LOXL2: variants seen among roughly 807,000 people sequenced by gnomAD.
LOXL2 encodes the protein lysyl oxidase like 2.
Under a neutral mutation model 93.0 loss-of-function variants are expected in LOXL2, and 70 were observed. The ratio of observed to expected loss-of-function variants is 0.75; its 90% CI spans 0.62 to 0.92. The LOEUF (loss-of-function observed/expected upper bound fraction) is 0.92. LOXL2 is among the 40% of genes least tolerant of loss of function. LOXL2 has a pLI of 0.00. For missense variants in LOXL2, 973 were observed against 1,054.9 expected, an observed-to-expected ratio of 0.92 and a Z score of 1.08; for synonymous variants, 438 against 413.2, an observed-to-expected ratio of 1.06 and a Z score of -0.73.
rs564918606 is a variant in LOXL2 at position 23,318,809 on chromosome 8, G to A, written c.1470+1076C>T. On this transcript the variant is annotated intron_variant, in intron 8 of 13. Coordinates refer to ENST00000389131, the MANE Select transcript of LOXL2 (RefSeq NM_002318.3). ...TGGGGAGGCCAAGCTCCCAGAGGGC[G>A]TAAGCAGCTATTTTAAAGGCCTGTC... Among the ~76,000 whole-genome samples the A allele has an allele frequency of 3.2e-4, 49 of 152,358 alleles. No homozygotes were observed. In the Middle Eastern group the frequency reaches 0.014, roughly 42 times the overall value.
intron 9 of LOXL2, among the ~76,000 whole-genome samples, chr8:23,312,974 A>G (rs1281793071): frequency 2.7e-5 from 4 of 146,962 alleles, no homozygotes; most frequent in African/African-American, 7.8e-5. Context: ...AAATCAATGT[A>G]CAAAAATCAC....
rs754918494 is a variant in LOXL2 at position 23,322,259 on chromosome 8, G to A, written c.1173C>T (p.Asn391=). The change falls in exon 7 of 14, where the codon AAC becomes AAT. Residue 391 remains asparagine, a synonymous_variant. Transcript: ENST00000389131. ...LGQGIGPIHL[N]EIQCTGNEKS... ...TCTCATTGCCTGTGCACTGGATCTCGTTGAGGTGGATGGGTCCGATCCCTG... is the reference window on the plus strand; with the variant it reads ...TCTCATTGCCTGTGCACTGGATCTCATTGAGGTGGATGGGTCCGATCCCTG... 1.7e-5 allele frequency: 27 copies of A among 1,614,060 alleles called. No individual in the cohort carries two copies. The highest frequency in any genetic ancestry group is 1.6e-4 in the Middle Eastern group (1 of 6,084).
chr8:23,307,582 AG>A (rs1211998111), intron 10 of LOXL2, among the ~76,000 whole-genome samples: 1 of 152,188 alleles, frequency 6.6e-6, no homozygotes, highest in East Asian at 1.9e-4. Flanking sequence ...TGTATGGCAC[AG>A]GGAGGTTCCT....
At position 23,322,291 on chromosome 8, in the gene LOXL2, G is replaced by A. The variant is rs764499044; in HGVS notation, c.1151-10C>T. 9 of 1,611,734 alleles carry A rather than the reference G, an allele frequency of 5.6e-6. No homozygotes were observed. Among genetic ancestry groups the A allele is most frequent in the Admixed American group, 3.3e-5 (2 of 59,866 alleles). On this transcript the variant is annotated splice_polypyrimidine_tract_variant and intron_variant, in intron 6 of 13. Coordinates refer to ENST00000389131, the MANE Select transcript of LOXL2 (RefSeq NM_002318.3). ...TGGATGGGTCCGATCCCTGCAAGGG[G>A]AGAATAAACATGCTCTATGAAAGCT... is the stretch of plus-strand genomic sequence containing the variant.
intron 1 of LOXL2, among the ~76,000 whole-genome samples, chr8:23,379,173 A>T (rs1309277775): frequency 6.6e-6 from 1 of 152,226 alleles, no homozygotes; most frequent in Admixed American, 6.5e-5. Flanking sequence ...CCTCAGCTGC[A>T]GGTCTGTTGG....
chr8:23,344,288 G>GCA (rs372111346), intron 3 of LOXL2, among the ~76,000 whole-genome samples: 53 of 152,344 alleles, frequency 3.5e-4, no homozygotes, highest in African/African-American at 1.3e-3. Flanking sequence ...GAAAGGGCTA[G>GCA]CACCGGGGGT....
At chr8:23,321,574 T>C (rs897351926) in intron 7 of LOXL2, among the ~76,000 whole-genome samples, 4 of 152,132 alleles carry the variant, frequency 2.6e-5, no homozygotes, top group African/African-American at 9.7e-5. Context: ...GGAGCCTCTG[T>C]CCTCACCCTC....
At chr8:23,389,562 A>G (rs1804810973) in intron 1 of LOXL2, among the ~76,000 whole-genome samples, 1 of 152,210 alleles carries the variant, frequency 6.6e-6, no homozygotes, top group Admixed American at 6.5e-5. Context: ...ATTCCTAGTC[A>G]ATAGCAACAA....
At chr8:23,379,591 G>A (rs1042492721) in intron 1 of LOXL2, among the ~76,000 whole-genome samples, 6 of 152,082 alleles carry the variant, frequency 3.9e-5, no homozygotes, top group East Asian at 1.9e-4. Context: ...CACCCAGTTC[G>A]AGCTTCCCAG....
chr8:23,397,213 G>A (rs201042862), intron 1 of LOXL2, among the ~76,000 whole-genome samples: 5 of 145,440 alleles, frequency 3.4e-5, no homozygotes, highest in East Asian at 2.1e-4. Flanking sequence ...GGGGGAGAGT[G>A]GAGTTAGTGT....
intron 7 of LOXL2, 196 bp downstream of exon 7, chr8:23,321,932 CAG>C: frequency 1.7e-6 from 1 of 597,124 alleles, no homozygotes; most frequent in Non-Finnish European, 3.0e-6. Context: ...ACACTGCACA[CAG>C]GGGCTTGGGC....
At chr8:23,348,362 G>A (rs6557656) in intron 3 of LOXL2, among the ~76,000 whole-genome samples, 91,460 of 151,244 alleles carry the variant, frequency 0.6, 28,451 homozygotes, top group African/African-American at 0.76. Context: ...CTATGTAACG[G>A]GCCTGCACAT....
intron 12 of LOXL2, 75 bp downstream of exon 12, chr8:23,301,952 C>A: frequency 6.4e-7 from 1 of 1,573,794 alleles, no homozygotes; most frequent in Non-Finnish European, 8.7e-7. Context: ...GTGTGGACAC[C>A]AATGGGAAGG....
intron 1 of LOXL2, among the ~76,000 whole-genome samples, chr8:23,379,752 A>T (rs1416810834): frequency 6.6e-6 from 1 of 152,140 alleles, no homozygotes; most frequent in Non-Finnish European, 1.5e-5. Context: ...CATGGGATAT[A>T]ATCTGCTGGT....
intron 3 of LOXL2, among the ~76,000 whole-genome samples, chr8:23,354,494 G>C (rs1305730001): frequency 6.6e-6 from 1 of 152,160 alleles, no homozygotes; most frequent in Non-Finnish European, 1.5e-5. Context: ...TGAAAAGTCT[G>C]CACCTGGTTT....
At chr8:23,330,725 G>A (rs910232591) in intron 5 of LOXL2, among the ~76,000 whole-genome samples, 4 of 151,854 alleles carry the variant, frequency 2.6e-5, no homozygotes, top group Non-Finnish European at 5.9e-5. Flanking sequence ...TGACACACAA[G>A]GAAAGCTCAG....
intron 1 of LOXL2, among the ~76,000 whole-genome samples, chr8:23,380,406 A>AAGAAAAG (rs779284344): frequency 3.9e-5 from 5 of 128,502 alleles, no homozygotes; most frequent in African/African-American, 6.0e-5. Flanking sequence ...AAAAAAAAAA[A>AAGAAAAG]AAAAAGACAT....
intron 4 of LOXL2, among the ~76,000 whole-genome samples, chr8:23,335,602 G>A (rs1440448075): frequency 6.6e-6 from 1 of 152,166 alleles, no homozygotes; most frequent in Non-Finnish European, 1.5e-5. Flanking sequence ...AGGAGGTCCA[G>A]GAAGGCCCTG....
chr8:23,357,366 G>A (rs1050695811), intron 3 of LOXL2, among the ~76,000 whole-genome samples: 3 of 152,078 alleles, frequency 2.0e-5, no homozygotes, highest in Non-Finnish European at 4.4e-5. Flanking sequence ...CACTGCGCCC[G>A]GCCTTTTTCA....
Sources: gnomAD v4.1 joint callset for allele counts (sites outside exome capture counted in the v4.1 genomes callset) on GRCh38, gnomAD v4.1.1 for gene constraint, MANE v1.5 for transcripts, NCBI Gene and HGNC (gene_info 2026-07-23, HGNC 2026-07-21) for gene names.